Variants in FAM117A observed in about 807,000 individuals in gnomAD.
FAM117A encodes family with sequence similarity 117 member A, also known as protein FAM117A.
FAM117A carries 21 observed loss-of-function variants against 44.1 expected under a neutral mutation model. The ratio of observed to expected loss-of-function variants is 0.48; its 90% CI spans 0.34 to 0.69. The LOEUF is 0.69. Among genes scored for constraint, FAM117A ranks in the 30% least tolerant of loss-of-function variants. The pLI, the probability that FAM117A is intolerant of heterozygous loss-of-function variation, is 0.01. For synonymous variants in FAM117A, 220 were observed against 238.3 expected (o/e 0.92, Z 0.71); for missense variants, 498 against 589.9 (o/e 0.84, Z 1.61).
intron 1 of FAM117A, among the ~76,000 whole-genome samples, chr17:49,751,943 C>CAAAAAA (rs71146933): frequency 7.0e-5 from 4 of 56,950 alleles, no homozygotes; most frequent in Admixed American, 2.0e-4. Flanking sequence ...GACTCCATCT[C>CAAAAAA]AAAAAAAAAA....
intron 2 of FAM117A, among the ~76,000 whole-genome samples, chr17:49,726,504 G>A (rs191340277): frequency 1.2e-4 from 19 of 152,290 alleles, no homozygotes; most frequent in Non-Finnish European, 1.8e-4. Flanking sequence ...TAGCCACTGC[G>A]CCCACCCGAC....
At chr17:49,751,208 A>G (rs2073675703) in intron 1 of FAM117A, among the ~76,000 whole-genome samples, 1 of 145,002 alleles carries the variant, frequency 6.9e-6, no homozygotes, top group Non-Finnish European at 1.5e-5. Flanking sequence ...TGAACCCAGG[A>G]GGCGGAAGTT....
chr17:49,754,338 T>A (rs1300921699), intron 1 of FAM117A, among the ~76,000 whole-genome samples: 1 of 151,082 alleles, frequency 6.6e-6, no homozygotes, highest in Non-Finnish European at 1.5e-5. Context: ...GGAGTCTCGC[T>A]CTGTCACCCA....
intron 1 of FAM117A, among the ~76,000 whole-genome samples, chr17:49,760,633 T>C (rs2073719181): frequency 6.6e-6 from 1 of 152,228 alleles, no homozygotes; most frequent in Non-Finnish European, 1.5e-5. Flanking sequence ...CCAGTGGGGC[T>C]GGTCCACTGG....
At chr17:49,758,431 C>T (rs377389065) in intron 1 of FAM117A, among the ~76,000 whole-genome samples, 3 of 151,558 alleles carry the variant, frequency 2.0e-5, no homozygotes, top group East Asian at 1.9e-4. Context: ...TGAGACCAGC[C>T]TGGCCAATAT....
chr17:49,746,589 A>C (rs2073655189), intron 1 of FAM117A, among the ~76,000 whole-genome samples: 1 of 152,264 alleles, frequency 6.6e-6, no homozygotes. Context: ...CCCAGGAGCA[A>C]GACCAAGACT....
At chr17:49,726,300 C>T (rs976153279) in intron 2 of FAM117A, among the ~76,000 whole-genome samples, 1 of 152,094 alleles carries the variant, frequency 6.6e-6, no homozygotes, top group Non-Finnish European at 1.5e-5. Flanking sequence ...GAAACCTCCG[C>T]CTCACGGGTT....
At chr17:49,777,733 G>A (rs892883075) in intron 1 of FAM117A, among the ~76,000 whole-genome samples, 33 of 152,186 alleles carry the variant, frequency 2.2e-4, no homozygotes, top group African/African-American at 4.6e-4. Context: ...TCTTGGGACC[G>A]GGGCTAATGG....
chr17:49,716,369 T>C (rs557574887), intron 6 of FAM117A, 54 bp from the exon 7 acceptor site: 321 of 1,465,352 alleles, frequency 2.2e-4, no homozygotes, highest in Non-Finnish European at 2.6e-4. Flanking sequence ...GCCTCCACTT[T>C]TCTGGGTCCA....
Position 49,711,377 on chromosome 17 carries a change from G to A in FAM117A, c.1240C>T (p.Pro414Ser). ...NPGSPLPPAS[P>S]RPPPRKDPEA... is the part of the protein sequence containing the mutation. ...GGATCCTTCCGAGGTGGTGGCCTGG[G>A]GCTGGCCGGGGGAAGGGGAGATCCC... The change falls in exon 8 of 8, where the codon CCC becomes TCC. Residue 414 changes from proline (P) to serine (S), a missense_variant. Around this residue, in one of 3 missense-constraint regions of FAM117A, gnomAD observed 224 missense variants for 296.5 expected, o/e 0.76. Coordinates refer to ENST00000240364, the MANE Select transcript of FAM117A (RefSeq NM_030802.4). 1 of 1,611,916 alleles carries A rather than the reference G, an allele frequency of 6.2e-7. No individual in the cohort carries two copies. The highest frequency in any genetic ancestry group is 8.5e-7 in the Non-Finnish European group (1 of 1,178,970).
chr17:49,761,381 G>C lies in FAM117A; in HGVS notation c.196+2511C>G, dbSNP rs963845201. On this transcript the variant is annotated intron_variant, in intron 1 of 7. Coordinates refer to ENST00000240364, the MANE Select transcript of FAM117A (RefSeq NM_030802.4). Reference sequence around the variant, plus strand: ...AAAAGGCAATGGGCTCTGGCCAACAGTGCTCTCACCTTGGCGAGCAGAGGG... The same window carrying C: ...AAAAGGCAATGGGCTCTGGCCAACACTGCTCTCACCTTGGCGAGCAGAGGG... 2.0e-5 allele frequency among the ~76,000 whole-genome samples: 3 copies of C among 152,246 alleles called. No homozygotes were observed. The East Asian group carries it at 5.8e-4, about 29-fold the overall frequency.
chr17:49,788,565 C>T (rs1445006110), exon 1 of FAM117A: 3 of 403,428 alleles, frequency 7.4e-6, no homozygotes, highest in Middle Eastern at 6.2e-4. Context: ...AAAATGGCGC[C>T]CACTAGCTTC....
chr17:49,728,582 A>C (rs1348690209), intron 2 of FAM117A, among the ~76,000 whole-genome samples: 1 of 152,082 alleles, frequency 6.6e-6, no homozygotes, highest in Non-Finnish European at 1.5e-5. Flanking sequence ...GCAGGATGAG[A>C]CCAACAGGGG....
intron 1 of FAM117A, among the ~76,000 whole-genome samples, chr17:49,754,536 C>T (rs908486120): frequency 1.3e-5 from 2 of 151,858 alleles, no homozygotes; most frequent in South Asian, 2.1e-4. Flanking sequence ...GATCTCCTGA[C>T]GTCATGATCC....
intron 1 of FAM117A, among the ~76,000 whole-genome samples, chr17:49,739,355 C>T (rs1283092298): frequency 1.3e-5 from 2 of 152,112 alleles, no homozygotes; most frequent in Admixed American, 6.5e-5. Flanking sequence ...AAAGCCCTTT[C>T]CTTTACTAGT....
intron 3 of FAM117A, among the ~76,000 whole-genome samples, chr17:49,721,172 A>T (rs1299501067): frequency 6.6e-6 from 1 of 152,220 alleles, no homozygotes; most frequent in Non-Finnish European, 1.5e-5. Flanking sequence ...GACACTCAAG[A>T]AGGGGATATT....
At chr17:49,737,637 G>A (rs2073616722) in intron 1 of FAM117A, among the ~76,000 whole-genome samples, 1 of 152,160 alleles carries the variant, frequency 6.6e-6, no homozygotes, top group Non-Finnish European at 1.5e-5. Context: ...TTTCCTTACT[G>A]GGACCCTAAA....
intron 1 of FAM117A, among the ~76,000 whole-genome samples, chr17:49,759,070 C>G (rs930863144): frequency 6.6e-6 from 1 of 152,244 alleles, no homozygotes; most frequent in African/African-American, 2.4e-5. Flanking sequence ...TTGCAACTTT[C>G]TAAAGATCTA....
In FAM117A at chr17:49,720,140, G is replaced by C. The variant is rs2073526551; in HGVS notation, c.573+186C>G. The C allele has an allele frequency of 4.5e-6, 3 of 666,140 alleles. No individual in the cohort carries two copies. In the Admixed American group the frequency reaches 8.9e-5, roughly 20 times the overall value. 41.3% of individuals were successfully genotyped at this position (666,140 alleles called of 1,614,324 possible). On this transcript the variant is annotated intron_variant, in intron 4 of 7. Coordinates refer to ENST00000240364, the MANE Select transcript of FAM117A (RefSeq NM_030802.4). ...TATATGGGGATGGGGGTAGAAGAGA[G>C]GGAGATTCAGAACGGCAAGAAGCCC...
Sources: gnomAD v4.1 joint callset for allele counts (sites outside exome capture counted in the v4.1 genomes callset) on GRCh38, gnomAD v4.1.1 for gene constraint, gnomAD v4.1.1 regional missense constraint, MANE v1.5 for transcripts, NCBI Gene and HGNC (gene_info 2026-07-23, HGNC 2026-07-21) for gene names.